Variants in PRIM2 observed in about 807,000 individuals in gnomAD.
PRIM2 encodes DNA primase large subunit.
Under a neutral mutation model 67.3 loss-of-function variants are expected in PRIM2, and 39 were observed. The ratio of observed to expected loss-of-function variants is 0.58; its 90% CI spans 0.45 to 0.76. The LOEUF is 0.76. Ranked by LOEUF, PRIM2 falls within the 30% of genes least tolerant of loss-of-function variation. The pLI, the probability that PRIM2 is intolerant of heterozygous loss-of-function variation, is 0.00. For synonymous variants in PRIM2, 143 were observed against 198.7 expected, an observed-to-expected ratio of 0.72 and a Z score of 2.36; for missense variants, 398 against 598.7, an observed-to-expected ratio of 0.66 and a Z score of 3.50.
At chr6:57,439,808 A>G (rs980551299) in intron 7 of PRIM2, among the ~76,000 whole-genome samples, 1 of 152,210 alleles carries the variant, frequency 6.6e-6, no homozygotes, top group Non-Finnish European at 1.5e-5. Flanking sequence ...TTTAATTTTC[A>G]TGCATCAAAA....
chr6:57,543,975 A>C (rs1775234330), intron 10 of PRIM2, among the ~76,000 whole-genome samples: 2 of 152,182 alleles, frequency 1.3e-5, no homozygotes, highest in African/African-American at 4.8e-5. Context: ...GAGTAGTAAT[A>C]ATGGATTGTG....
chr6:57,347,861 C>T (rs1768729056), intron 5 of PRIM2, among the ~76,000 whole-genome samples: 1 of 152,142 alleles, frequency 6.6e-6, no homozygotes, highest in African/African-American at 2.4e-5. Flanking sequence ...AGTCACAAAG[C>T]ATGTTACTAA....
chr6:57,430,729 G>A (rs1452465679), intron 7 of PRIM2, among the ~76,000 whole-genome samples: 2 of 152,082 alleles, frequency 1.3e-5, no homozygotes, highest in Non-Finnish European at 2.9e-5. Context: ...CCGAAGTGCT[G>A]GGATTACAGG....
intron 9 of PRIM2, 57 bp from the exon 10 acceptor site, chr6:57,537,381 TAC>T (rs1230576581): frequency 1.2e-6 from 1 of 851,290 alleles, no homozygotes; most frequent in Non-Finnish European, 1.7e-6. Context: ...TAACAAATAT[TAC>T]AGGGGACCTG....
chr6:57,293,058 C>T, the PRIM2 span, among the ~76,000 whole-genome samples: 3 of 152,256 alleles, frequency 2.0e-5, no homozygotes, highest in African/African-American at 7.2e-5. Flanking sequence ...AGGCAACCTA[C>T]AGAATGGGAG....
At chr6:57,524,577 T>C (rs1253926652) in intron 8 of PRIM2, among the ~76,000 whole-genome samples, 1 of 152,050 alleles carries the variant, frequency 6.6e-6, no homozygotes, top group Non-Finnish European at 1.5e-5. Flanking sequence ...GGCACGTGCA[T>C]GTAATCCCAG....
At chr6:57,398,510 T>C (rs910282724) in intron 7 of PRIM2, among the ~76,000 whole-genome samples, 1 of 152,100 alleles carries the variant, frequency 6.6e-6, no homozygotes, top group Admixed American at 6.5e-5. Context: ...GGTCCGTGAG[T>C]GTGTTTGTTA....
At chr6:57,558,665 A>ATG (rs1476986284) in intron 10 of PRIM2, among the ~76,000 whole-genome samples, 1 of 151,750 alleles carries the variant, frequency 6.6e-6, no homozygotes, top group East Asian at 1.9e-4. Context: ...TTCTTAATAT[A>ATG]TATATATAGA....
intron 8 of PRIM2, among the ~76,000 whole-genome samples, chr6:57,531,408 T>A (rs1774886869): frequency 6.6e-6 from 1 of 152,168 alleles, no homozygotes. Flanking sequence ...GACTCTTCAC[T>A]CCAGGGTTTC....
At chr6:57,302,325 T>C in the PRIM2 span, among the ~76,000 whole-genome samples, 2 of 152,214 alleles carry the variant, frequency 1.3e-5, no homozygotes, top group African/African-American at 4.8e-5. Context: ...GTTGACTCTT[T>C]AAGTGCTGCA....
the PRIM2 span, among the ~76,000 whole-genome samples, chr6:57,232,721 T>A: frequency 6.6e-6 from 1 of 152,168 alleles, no homozygotes; most frequent in African/African-American, 2.4e-5. Flanking sequence ...ACCTTCCCTT[T>A]CTTACAAATA....
chr6:57,380,359 C>T (rs1769916596), intron 6 of PRIM2, among the ~76,000 whole-genome samples: 2 of 152,178 alleles, frequency 1.3e-5, no homozygotes, highest in Non-Finnish European at 2.9e-5. Context: ...GCGTGGAAGC[C>T]CCCTTTCGCT....
In PRIM2 at chr6:57,332,772, G is replaced by T. The variant is rs564417464; in HGVS notation, c.459+6727G>T. 2.6e-5 allele frequency among the ~76,000 whole-genome samples: 4 copies of T among 151,996 alleles called. No homozygotes were observed. In the South Asian group the frequency reaches 8.3e-4, roughly 32 times the overall value. On this transcript the variant is annotated intron_variant, in intron 5 of 13. Coordinates refer to ENST00000615550, the MANE Select transcript of PRIM2 (RefSeq NM_000947.5). Reference sequence around the variant, plus strand: ...TTATGTGTGTTTGAATCTAAAGTGTGTTTGTTGTAAATATCATATAGTTGG... The same window carrying T: ...TTATGTGTGTTTGAATCTAAAGTGTTTTTGTTGTAAATATCATATAGTTGG...
intron 10 of PRIM2, among the ~76,000 whole-genome samples, chr6:57,595,100 A>C (rs2127489702): frequency 6.6e-6 from 1 of 152,350 alleles, no homozygotes; most frequent in African/African-American, 2.4e-5. Flanking sequence ...AATTAGCAAT[A>C]TTGATCATAC....
chr6:57,357,930 C>T (rs1443560363), intron 5 of PRIM2, among the ~76,000 whole-genome samples: 4 of 152,082 alleles, frequency 2.6e-5, no homozygotes, highest in Non-Finnish European at 5.9e-5. Flanking sequence ...GGGTTATCAC[C>T]CGCCTGTCTT....
chr6:57,540,141 A>G (rs1237360930), intron 10 of PRIM2, among the ~76,000 whole-genome samples: 4 of 152,200 alleles, frequency 2.6e-5, no homozygotes, highest in Non-Finnish European at 5.9e-5. Flanking sequence ...ATTAACTTAA[A>G]ACAGTTTTTG....
chr6:57,625,761 GA>G (rs1420744170), intron 12 of PRIM2, among the ~76,000 whole-genome samples: 2 of 152,220 alleles, frequency 1.3e-5, no homozygotes, highest in East Asian at 3.8e-4. Context: ...TAAAGAGTCA[GA>G]AAAATTCTTG....
intron 7 of PRIM2, among the ~76,000 whole-genome samples, chr6:57,394,602 C>T (rs1770459351): frequency 6.6e-6 from 1 of 152,044 alleles, no homozygotes; most frequent in African/African-American, 2.4e-5. Flanking sequence ...ACGATCATAA[C>T]GCCAGCAAAC....
the PRIM2 span, among the ~76,000 whole-genome samples, chr6:57,279,069 A>G: frequency 2.0e-5 from 3 of 152,216 alleles, no homozygotes; most frequent in South Asian, 2.1e-4. Context: ...GTGACTGCTT[A>G]TAGTGTTCAT....
Sources: gnomAD v4.1 joint callset for allele counts (sites outside exome capture counted in the v4.1 genomes callset) on GRCh38, gnomAD v4.1.1 for gene constraint, MANE v1.5 for transcripts, NCBI Gene and HGNC (gene_info 2026-07-23, HGNC 2026-07-21) for gene names.